The following ZNF208 variants were observed in gnomAD, a reference collection of about 807,000 sequenced individuals.
The protein encoded by ZNF208 is zinc finger protein 208.
Under a neutral mutation model 12.1 loss-of-function variants are expected in ZNF208, and 10 were observed. The ratio of observed to expected loss-of-function variants is 0.83; its 90% CI spans 0.51 to 1.40. The LOEUF (loss-of-function observed/expected upper bound fraction) is 1.40, where lower values mean the gene tolerates loss of function less well. Among genes scored for constraint, ZNF208 ranks in the 40% most tolerant of loss-of-function variants. The pLI is 0.00. For missense variants in ZNF208, 1,652 were observed against 1,485.0 expected, an observed-to-expected ratio of 1.11 and a Z score of -1.85; for synonymous variants, 497 against 488.4, an observed-to-expected ratio of 1.02 and a Z score of -0.23.
At position 21,966,983 on chromosome 19, in the gene ZNF208, T is replaced by G. The variant is rs570610819; in HGVS notation, c.*4208A>C. The G allele has an allele frequency of 2.0e-5, 3 of 152,280 alleles. No individual in the cohort carries two copies. Among genetic ancestry groups the G allele is most frequent in the Admixed American group, 6.5e-5 (1 of 15,288 alleles). 9.4% of individuals were successfully genotyped at this position (152,280 alleles called of 1,614,324 possible). On this transcript the variant is annotated 3_prime_UTR_variant, in exon 4 of 4. Transcript: ENST00000397126. ...TTCTGTACATTAATCCTTCATTGTC[T>G]GCAGTTTGCAAATATTTTATTTCAT... is the stretch of plus-strand genomic sequence containing the variant.
At chr19:21,979,427 C>A (rs1268292661) in intron 3 of ZNF208, among the ~76,000 whole-genome samples, 2 of 152,204 alleles carry the variant, frequency 1.3e-5, no homozygotes, top group African/African-American at 4.8e-5. Flanking sequence ...CAATATTCAA[C>A]ATTCTTAAAG....
intron 1 of ZNF208, among the ~76,000 whole-genome samples, chr19:21,996,977 C>T (rs1970847854): frequency 6.6e-6 from 1 of 152,108 alleles, no homozygotes; most frequent in African/African-American, 2.4e-5. Context: ...GACTGGAAGC[C>T]TGAGTGGAAA....
chr19:22,008,552 GT>G lies in ZNF208; in HGVS notation c.3+2239del, dbSNP rs199621503. 2.9e-4 allele frequency among the ~76,000 whole-genome samples: 42 copies of G among 145,922 alleles called. 1 individual carries two copies. The highest frequency in any genetic ancestry group is 4.3e-4 in the Non-Finnish European group (28 of 65,878). On this transcript the variant is annotated intron_variant, in intron 1 of 3. Transcript: ENST00000397126. ...TTCTTGCACCATCTCACTGGGGTCA[GT>G]TTTTTTTTTTGTCTTTGGAGTGCTA...
In ZNF208 at chr19:21,972,773, C is replaced by G. The variant is rs1970326700; in HGVS notation, c.2261G>C (p.Cys754Ser). ...TGEKPYKCEECGKAYKWSSTL... is the reference protein window; with the variant it reads ...TGEKPYKCEESGKAYKWSSTL... ...TGAGGACCACTTATAGGCTTTGCCACATTCTTCACATTTGTAGGGTTTCTC... is the reference window on the plus strand; with the variant it reads ...TGAGGACCACTTATAGGCTTTGCCAGATTCTTCACATTTGTAGGGTTTCTC... Residue 754 changes from cysteine (C) to serine (S), a missense_variant, in exon 4 of 4, where the codon TGT becomes TCT. Transcript: ENST00000397126. 9.9e-6 allele frequency: 16 copies of G among 1,611,754 alleles called. No homozygotes were observed. The highest frequency in any genetic ancestry group is 1.2e-5 in the Non-Finnish European group (14 of 1,179,820).
At chr19:21,990,443 ATCTCT>A (rs1970711956) in intron 1 of ZNF208, among the ~76,000 whole-genome samples, 1 of 24,420 alleles carries the variant, frequency 4.1e-5, no homozygotes, top group East Asian at 2.1e-3. Flanking sequence ...ATTGATCTAT[ATCTCT>A]GATATCTCTG....
chr19:21,958,197 A>G (rs955771947), intron 4 of ZNF208, among the ~76,000 whole-genome samples: 1 of 152,118 alleles, frequency 6.6e-6, no homozygotes, highest in Non-Finnish European at 1.5e-5. Flanking sequence ...ACTAAAAGAA[A>G]GTAATTGTTT....
chr19:21,996,815 A>G (rs1435081417), intron 1 of ZNF208, among the ~76,000 whole-genome samples: 1 of 152,176 alleles, frequency 6.6e-6, no homozygotes, highest in Non-Finnish European at 1.5e-5. Context: ...AAAGAGGTAA[A>G]ATGGTTAATA....
At chr19:22,010,392 C>T (rs1284889681) in intron 1 of ZNF208, among the ~76,000 whole-genome samples, 1 of 152,126 alleles carries the variant, frequency 6.6e-6, no homozygotes, top group Non-Finnish European at 1.5e-5. Flanking sequence ...GAGGTGACTT[C>T]CATAAATTTT....
intron 3 of ZNF208, among the ~76,000 whole-genome samples, chr19:21,977,699 A>C: frequency 6.6e-6 from 1 of 151,862 alleles, no homozygotes; most frequent in Admixed American, 6.6e-5. Context: ...TTTCCCCCAT[A>C]CCCCAGTAGT....
intron 4 of ZNF208, among the ~76,000 whole-genome samples, chr19:21,946,804 C>A (rs1378554044): frequency 4.6e-5 from 7 of 152,178 alleles, no homozygotes; most frequent in Admixed American, 4.6e-4. Context: ...AAGGGCCTAC[C>A]CATTGTGTGG....
chr19:21,989,057 A>G (rs1970677528), intron 1 of ZNF208, 148 bp from the exon 2 acceptor site: 1 of 1,100,532 alleles, frequency 9.1e-7, no homozygotes, highest in Non-Finnish European at 1.3e-6. Context: ...TAACACAAAT[A>G]TTCTCTAACA....
At chr19:21,958,365 C>A (rs1182351760) in intron 4 of ZNF208, among the ~76,000 whole-genome samples, 1 of 152,072 alleles carries the variant, frequency 6.6e-6, no homozygotes, top group Non-Finnish European at 1.5e-5. Context: ...ATGTAAAAAT[C>A]TAAATCAATA....
intron 3 of ZNF208, among the ~76,000 whole-genome samples, chr19:21,985,087 T>C (rs1970611322): frequency 6.6e-6 from 1 of 152,044 alleles, no homozygotes; most frequent in South Asian, 2.1e-4. Flanking sequence ...AAGCAGAAAA[T>C]ATTCTACCAA....
rs1198563888 is a variant in ZNF208, at chr19:21,971,252, G to T, written c.3782C>A (p.Ala1261Asp). 7 of 1,611,190 alleles carry T rather than the reference G, an allele frequency of 4.3e-6. No individual in the cohort carries two copies. The highest frequency in any genetic ancestry group is 1.3e-5 in the African/African-American group (1 of 74,466). ...KPYKCEECGKAFSWLSVFSKH... is the reference protein window; with the variant it reads ...KPYKCEECGKDFSWLSVFSKH... ...ACTGAAGACTGATAACCAGCTGAAG[G>T]CTTTGCCACATTCTTCACATTTGTA... Residue 1261 changes from alanine to aspartate, a missense_variant, in exon 4 of 4, where the codon GCC becomes GAC. Ala to Asp is a moderately radical substitution (Grantham distance 126, BLOSUM62 -2). Coordinates refer to ENST00000397126, the MANE Select transcript of ZNF208 (RefSeq NM_007153.3).
intron 3 of ZNF208, among the ~76,000 whole-genome samples, chr19:21,982,181 C>G (rs1390151290): frequency 1.3e-5 from 2 of 151,812 alleles, no homozygotes; most frequent in Non-Finnish European, 2.9e-5. Context: ...CACTGTGAAA[C>G]CCCATCTCTA....
At chr19:21,951,430 C>G (rs1969885964) in intron 4 of ZNF208, among the ~76,000 whole-genome samples, 1 of 151,984 alleles carries the variant, frequency 6.6e-6, no homozygotes, top group South Asian at 2.1e-4. Context: ...CTACATTTTT[C>G]CTAGGAGTAA....
At chr19:21,958,226 T>C (rs1487825332) in intron 4 of ZNF208, among the ~76,000 whole-genome samples, 1 of 152,128 alleles carries the variant, frequency 6.6e-6, no homozygotes. Flanking sequence ...GTCATACATT[T>C]CTCATGAACT....
At chr19:21,961,476 T>C (rs1970068671), downstream of ZNF208, among the ~76,000 whole-genome samples, 1 of 152,132 alleles carries the variant, frequency 6.6e-6, no homozygotes, top group Non-Finnish European at 1.5e-5. Flanking sequence ...TGTGCACGTA[T>C]TGGTTTGATA....
intron 4 of ZNF208, chr19:21,941,312 T>C (rs528443858): frequency 6.8e-5 from 27 of 398,706 alleles, no homozygotes; most frequent in African/African-American, 2.5e-4. Flanking sequence ...ACAGTTCACA[T>C]CATGATAGAA....
Sources: gnomAD v4.1 joint callset for allele counts (sites outside exome capture counted in the v4.1 genomes callset) on GRCh38, gnomAD v4.1.1 for gene constraint, MANE v1.5 for transcripts, NCBI Gene and HGNC (gene_info 2026-07-23, HGNC 2026-07-21) for gene names.